The following GRK5 variants were observed in gnomAD, a reference collection of about 807,000 sequenced individuals.
GRK5 encodes the protein G protein-coupled receptor kinase 5, also known as g protein-coupled receptor kinase GRK5.
GRK5 carries 40 observed loss-of-function variants against 78.4 expected under a neutral mutation model. That is an observed-to-expected ratio of 0.51 (90% CI 0.40 to 0.66). The LOEUF is 0.66. Among genes scored for constraint, GRK5 ranks in the 30% least tolerant of loss-of-function variants. The pLI, the probability that GRK5 is intolerant of heterozygous loss-of-function variation, is 0.00. For synonymous variants in GRK5, 289 were observed against 296.8 expected, an observed-to-expected ratio of 0.97 and a Z score of 0.27; for missense variants, 598 against 759.9, an observed-to-expected ratio of 0.79 and a Z score of 2.50.
chr10:119,289,773 C>T (rs61874512), intron 1 of GRK5, among the ~76,000 whole-genome samples: 10,727 of 152,256 alleles, frequency 0.07, 388 homozygotes, highest in Admixed American at 0.078. Flanking sequence ...TTGGGTTAGC[C>T]TAGGTGTGGT....
At chr10:119,372,172 C>G (rs771823967) in intron 2 of GRK5, among the ~76,000 whole-genome samples, 13 of 152,338 alleles carry the variant, frequency 8.5e-5, no homozygotes, top group Middle Eastern at 3.4e-3. Flanking sequence ...AGGTAGGATT[C>G]AGACCCAAGC....
At chr10:119,213,801 T>A (rs2133698587) in intron 1 of GRK5, among the ~76,000 whole-genome samples, 1 of 152,284 alleles carries the variant, frequency 6.6e-6, no homozygotes, top group South Asian at 2.1e-4. Context: ...AGGAAACCAT[T>A]CTTGAATAGG....
chr10:119,345,747 A>C (rs1024843674), intron 2 of GRK5, among the ~76,000 whole-genome samples: 1 of 151,898 alleles, frequency 6.6e-6, no homozygotes, highest in Admixed American at 6.6e-5. Context: ...GCCCTTGGGG[A>C]AACCCAGCAG....
intron 4 of GRK5, among the ~76,000 whole-genome samples, chr10:119,411,811 C>G (rs1257314387): frequency 6.8e-6 from 1 of 148,114 alleles, no homozygotes; most frequent in Non-Finnish European, 1.5e-5. Flanking sequence ...CCTAAAGCTT[C>G]GGCCTCCTCA....
At chr10:119,411,177 G>C (rs1852330793) in intron 4 of GRK5, among the ~76,000 whole-genome samples, 1 of 152,018 alleles carries the variant, frequency 6.6e-6, no homozygotes, top group East Asian at 1.9e-4. Flanking sequence ...GGAAAACCCA[G>C]CTACCCTCAT....
At chr10:119,317,626 G>T (rs1162655626) in intron 1 of GRK5, among the ~76,000 whole-genome samples, 1 of 152,058 alleles carries the variant, frequency 6.6e-6, no homozygotes, top group South Asian at 2.1e-4. Flanking sequence ...AGCCTGCCAG[G>T]CATCCTGCTG....
intron 4 of GRK5, among the ~76,000 whole-genome samples, chr10:119,417,222 C>T (rs538143440): frequency 1.1e-4 from 16 of 152,214 alleles, no homozygotes; most frequent in Non-Finnish European, 2.2e-4. Flanking sequence ...GGGTGATCCA[C>T]ACGTGCTTCC....
chr10:119,269,700 G>A (rs1377557992), intron 1 of GRK5, among the ~76,000 whole-genome samples: 1 of 151,934 alleles, frequency 6.6e-6, no homozygotes, highest in East Asian at 1.9e-4. Flanking sequence ...GGGCATGGTG[G>A]TGTGCTCCTG....
At chr10:119,407,364 A>T (rs1852259887) in intron 4 of GRK5, among the ~76,000 whole-genome samples, 1 of 152,202 alleles carries the variant, frequency 6.6e-6, no homozygotes, top group South Asian at 2.1e-4. Flanking sequence ...CTCAAAAGGG[A>T]TGCTTACTGA....
rs530162257 is a variant in GRK5, at chr10:119,385,353, C to A, written c.261+4426C>A. 2.0e-5 allele frequency among the ~76,000 whole-genome samples: 3 copies of A among 152,268 alleles called. No homozygotes were observed. The South Asian group carries it at 6.2e-4, about 32-fold the overall frequency. Reference sequence around the variant, plus strand: ...GTTCGTAGCTCATTGCAGTCTCAACCTCCTGGACTCAAGTGATCTTCCTAC... The same window carrying A: ...GTTCGTAGCTCATTGCAGTCTCAACATCCTGGACTCAAGTGATCTTCCTAC... On this transcript the variant is annotated intron_variant, in intron 3 of 15. Coordinates refer to ENST00000392870, the MANE Select transcript of GRK5 (RefSeq NM_005308.3).
chr10:119,280,445 A>T (rs911606138), intron 1 of GRK5, among the ~76,000 whole-genome samples: 1 of 152,042 alleles, frequency 6.6e-6, no homozygotes, highest in Admixed American at 6.5e-5. Flanking sequence ...CCACCCATCC[A>T]TCCCTCTGCC....
At chr10:119,377,431 C>T (rs1316887662) in intron 2 of GRK5, among the ~76,000 whole-genome samples, 5 of 152,154 alleles carry the variant, frequency 3.3e-5, no homozygotes, top group African/African-American at 4.8e-5. Flanking sequence ...GTAAATGTTG[C>T]ACTAGGGATG....
At chr10:119,384,573 G>T (rs577575708) in intron 3 of GRK5, among the ~76,000 whole-genome samples, 8 of 152,256 alleles carry the variant, frequency 5.3e-5, no homozygotes, top group Non-Finnish European at 1.2e-4. Context: ...CTGAGGCTCA[G>T]TGAACCTAGC....
At chr10:119,399,971 C>T (rs1467110722) in intron 4 of GRK5, among the ~76,000 whole-genome samples, 2 of 152,214 alleles carry the variant, frequency 1.3e-5, no homozygotes, top group Admixed American at 6.5e-5. Context: ...CTGTCCCCTA[C>T]TCTGTCTTTC....
At chr10:119,304,490 A>G (rs188172059) in intron 1 of GRK5, among the ~76,000 whole-genome samples, 3 of 152,160 alleles carry the variant, frequency 2.0e-5, no homozygotes, top group Admixed American at 6.5e-5. Flanking sequence ...CTCACTGCAC[A>G]TGGGCTTCTG....
At chr10:119,323,467 T>C (rs1022919387) in intron 1 of GRK5, among the ~76,000 whole-genome samples, 2 of 152,202 alleles carry the variant, frequency 1.3e-5, no homozygotes, top group Admixed American at 1.3e-4. Context: ...CAGACTCTGC[T>C]GAGCTAGGGT....
At chr10:119,443,925 G>C (rs1302094811) in intron 12 of GRK5, among the ~76,000 whole-genome samples, 173 bp downstream of exon 12, 2 of 152,288 alleles carry the variant, frequency 1.3e-5, no homozygotes, top group East Asian at 3.9e-4. Flanking sequence ...TGTGGACTGG[G>C]GTGGTCAGCG....
At chr10:119,227,764 G>A (rs1015185457) in intron 1 of GRK5, among the ~76,000 whole-genome samples, 1 of 152,216 alleles carries the variant, frequency 6.6e-6, no homozygotes, top group African/African-American at 2.4e-5. Context: ...TAGAATCTTA[G>A]TTTGGCAATA....
chr10:119,275,329 AG>A (rs1181188098), intron 1 of GRK5, among the ~76,000 whole-genome samples: 1 of 152,138 alleles, frequency 6.6e-6, no homozygotes, highest in Non-Finnish European at 1.5e-5. Flanking sequence ...GTCTCCAGAG[AG>A]AGGAACCACC....
Sources: gnomAD v4.1 joint callset for allele counts (sites outside exome capture counted in the v4.1 genomes callset) on GRCh38, gnomAD v4.1.1 for gene constraint, MANE v1.5 for transcripts, NCBI Gene and HGNC (gene_info 2026-07-23, HGNC 2026-07-21) for gene names.